Variants in SH3RF3 observed in about 807,000 individuals in gnomAD.
The protein encoded by SH3RF3 is SH3 domain containing ring finger 3.
In SH3RF3, 29 loss-of-function variants were observed where a neutral mutation model predicts 66.3. That is an observed-to-expected ratio of 0.44 (90% CI 0.33 to 0.60). SH3RF3 has a LOEUF of 0.60. Ranked by LOEUF, SH3RF3 falls within the 20% of genes least tolerant of loss-of-function variation. SH3RF3 has a pLI of 0.04. For synonymous variants in SH3RF3, 583 were observed against 532.0 expected (o/e 1.10, Z -1.32); for missense variants, 1,194 against 1,190.9 (o/e 1.00, Z -0.04).
chr2:109,261,798 A>T (rs912536096), intron 1 of SH3RF3, among the ~76,000 whole-genome samples: 2 of 151,974 alleles, frequency 1.3e-5, no homozygotes, highest in Middle Eastern at 3.2e-3. Context: ...GAGGTGGGTC[A>T]CCCTACTGGT....
At chr2:109,199,845 A>C in intron 1 of SH3RF3, among the ~76,000 whole-genome samples, 2 of 152,230 alleles carry the variant, frequency 1.3e-5, no homozygotes, top group Admixed American at 6.5e-5. Context: ...AATGGAATGG[A>C]ATGGAAATAA....
intron 1 of SH3RF3, among the ~76,000 whole-genome samples, chr2:109,244,032 A>T (rs1449964817): frequency 2.0e-5 from 3 of 152,242 alleles, no homozygotes; most frequent in Non-Finnish European, 4.4e-5. Flanking sequence ...ATCATTAAAC[A>T]GTGAGATGGG....
chr2:109,289,309 C>A (rs1681109884), intron 1 of SH3RF3, among the ~76,000 whole-genome samples: 1 of 152,058 alleles, frequency 6.6e-6, no homozygotes, highest in Non-Finnish European at 1.5e-5. Context: ...CCAACTGGAA[C>A]AGGATTTCAC....
chr2:109,496,946 C>T (rs1679275600), intron 9 of SH3RF3, among the ~76,000 whole-genome samples: 1 of 152,104 alleles, frequency 6.6e-6, no homozygotes, highest in South Asian at 2.1e-4. Flanking sequence ...GAGCACTCCC[C>T]TTTGAAGATG....
rs11298946 is a variant in SH3RF3 at position 109,325,331 on chromosome 2, CTTTTTTTTTTTTTTT to C, written c.574-22330_574-22316del. On this transcript the variant is annotated intron_variant, in intron 1 of 9. Transcript: ENST00000309415. ...ATTTAATTTCTTTCTTTCTTTCTTTCTTTTTTTTTTTTTTTTTTTTTTTTTTTGGAGACCAGGTCT... is the reference window on the plus strand; with the variant it reads ...ATTTAATTTCTTTCTTTCTTTCTTTCTTTTTTTTTTTTGGAGACCAGGTCT... Among the ~76,000 whole-genome samples, 15 of 66,272 alleles carry C rather than the reference CTTTTTTTTTTTTTTT, an allele frequency of 2.3e-4. No homozygotes were observed. The South Asian group carries it at 9.3e-3, about 41-fold the overall frequency. 43.5% of individuals were successfully genotyped at this position (66,272 alleles called of 152,430 possible).
chr2:109,395,686 C>G (rs1676123408), intron 3 of SH3RF3, among the ~76,000 whole-genome samples: 1 of 152,244 alleles, frequency 6.6e-6, no homozygotes, highest in African/African-American at 2.4e-5. Context: ...TGAGCAGCCT[C>G]TCGGGGACAC....
chr2:109,158,699 A>G (rs1203314697), intron 1 of SH3RF3, among the ~76,000 whole-genome samples: 2 of 152,230 alleles, frequency 1.3e-5, no homozygotes, highest in Non-Finnish European at 2.9e-5. Context: ...TGAGAATCAG[A>G]TGTAATTATG....
At chr2:109,464,185 A>T (rs903463730) in intron 8 of SH3RF3, among the ~76,000 whole-genome samples, 2 of 152,166 alleles carry the variant, frequency 1.3e-5, no homozygotes, top group Admixed American at 1.3e-4. Flanking sequence ...GGCTTGTTTT[A>T]TGGCTGGACT....
intron 1 of SH3RF3, among the ~76,000 whole-genome samples, chr2:109,191,998 T>TC (rs1245690232): frequency 6.6e-6 from 1 of 151,938 alleles, no homozygotes; most frequent in Non-Finnish European, 1.5e-5. Context: ...ACCCTCCCCC[T>TC]CCACCTCAAC....
intron 8 of SH3RF3, among the ~76,000 whole-genome samples, 155 bp downstream of exon 8, chr2:109,449,644 G>T (rs1460788606): frequency 6.6e-6 from 1 of 152,186 alleles, no homozygotes; most frequent in African/African-American, 2.4e-5. Flanking sequence ...CAGAGAGGGA[G>T]CCAAACCACC....
chr2:109,229,629 GC>G (rs1679449718), intron 1 of SH3RF3, among the ~76,000 whole-genome samples: 1 of 152,124 alleles, frequency 6.6e-6, no homozygotes, highest in Admixed American at 6.5e-5. Flanking sequence ...GGAATTGGCA[GC>G]CCCTCCAGGG....
Position 109,129,281 on chromosome 2 carries a change from AG to A in SH3RF3, c.-259del. On this transcript the variant is annotated 5_prime_UTR_variant, in exon 1 of 10. Transcript: ENST00000309415. ...GGCGGACTTGCGGCGGGACAGGTGT[AG>A]CCCGCAGCCGCAGGCGCTGCGCTCA... 1.6e-6 allele frequency: 1 copy of A among 643,920 alleles called. No individual in the cohort carries two copies. The highest frequency in any genetic ancestry group is 2.7e-6 in the Non-Finnish European group (1 of 374,688). The allele number at this position is 643,920 out of a possible 1,614,324, so 39.9% of individuals were successfully genotyped here.
At chr2:109,397,755 C>T (rs1010145138) in intron 3 of SH3RF3, among the ~76,000 whole-genome samples, 15 of 152,208 alleles carry the variant, frequency 9.9e-5, no homozygotes, top group South Asian at 2.1e-4. Context: ...CAGGTGATGC[C>T]GCAGCCCTGA....
chr2:109,469,957 A>G (rs1678458921), intron 8 of SH3RF3, among the ~76,000 whole-genome samples: 1 of 152,204 alleles, frequency 6.6e-6, no homozygotes, highest in African/African-American at 2.4e-5. Flanking sequence ...CATGCGAGCT[A>G]TAAGATGAAC....
intron 1 of SH3RF3, among the ~76,000 whole-genome samples, chr2:109,280,078 C>T (rs964898622): frequency 6.6e-6 from 1 of 152,078 alleles, no homozygotes; most frequent in Non-Finnish European, 1.5e-5. Context: ...TTTTTCGATC[C>T]CAGAGACAAC....
intron 1 of SH3RF3, among the ~76,000 whole-genome samples, chr2:109,329,805 C>G (rs1360798509): frequency 3.3e-5 from 5 of 152,200 alleles, no homozygotes; most frequent in Non-Finnish European, 7.4e-5. Context: ...TTCAGCCCAC[C>G]TTCAACCCAG....
intron 3 of SH3RF3, among the ~76,000 whole-genome samples, chr2:109,381,372 C>T (rs940089073): frequency 1.8e-4 from 28 of 152,304 alleles, no homozygotes; most frequent in African/African-American, 5.3e-4. Context: ...AGGTCAATGG[C>T]GGGGTTACTT....
chr2:109,424,361 C>G (rs1676974333), intron 5 of SH3RF3, among the ~76,000 whole-genome samples: 1 of 152,212 alleles, frequency 6.6e-6, no homozygotes, highest in Admixed American at 6.5e-5. Flanking sequence ...AGAGGGGACC[C>G]AGGCTGGGCA....
intron 1 of SH3RF3, among the ~76,000 whole-genome samples, chr2:109,152,281 CTTG>C (rs1677240158): frequency 6.6e-6 from 1 of 152,184 alleles, no homozygotes. Context: ...GCATGTTCCC[CTTG>C]TTGTTGTGGT....
Sources: gnomAD v4.1 joint callset for allele counts (sites outside exome capture counted in the v4.1 genomes callset) on GRCh38, gnomAD v4.1.1 for gene constraint, MANE v1.5 for transcripts, NCBI Gene and HGNC (gene_info 2026-07-23, HGNC 2026-07-21) for gene names.